The following CNTN4 variants were observed in gnomAD, a reference collection of about 807,000 sequenced individuals.
CNTN4 encodes the protein contactin-4.
Under a neutral mutation model 122.5 loss-of-function variants are expected in CNTN4, and 77 were observed. The observed-to-expected ratio is 0.63, with a 90% CI of 0.52 to 0.76. CNTN4 has a LOEUF of 0.76. CNTN4 is among the 30% of genes least tolerant of loss of function. CNTN4 has a pLI of 0.00. For synonymous variants in CNTN4, 512 were observed against 447.0 expected (o/e 1.15, Z -1.83); for missense variants, 1,256 against 1,259.1 (o/e 1.00, Z 0.04).
chr3:2,732,755 C>T (rs1046737486), intron 4 of CNTN4, among the ~76,000 whole-genome samples: 20 of 152,144 alleles, frequency 1.3e-4, no homozygotes, highest in African/African-American at 3.9e-4. Context: ...AACCCTGGTC[C>T]GAAGGTTTAA....
intron 4 of CNTN4, among the ~76,000 whole-genome samples, chr3:2,677,533 AAG>A (rs915786530): frequency 7.1e-6 from 1 of 141,294 alleles, no homozygotes; most frequent in African/African-American, 2.7e-5. Flanking sequence ...TGTAGAGAGA[AAG>A]AGCACACACT....
chr3:2,629,668 A>G (rs999366201), intron 4 of CNTN4: 12 of 364,750 alleles, frequency 3.3e-5, no homozygotes, highest in Non-Finnish European at 5.4e-5. Context: ...CCTGTAGGCC[A>G]CTAATATTCC....
At chr3:2,592,149 G>C (rs1269263163) in intron 4 of CNTN4, among the ~76,000 whole-genome samples, 1 of 152,056 alleles carries the variant, frequency 6.6e-6, no homozygotes, top group Non-Finnish European at 1.5e-5. Context: ...TGAAAGTGTT[G>C]GACTTAGAGG....
At chr3:2,300,711 A>G (rs968779017) in intron 2 of CNTN4, among the ~76,000 whole-genome samples, 1 of 151,390 alleles carries the variant, frequency 6.6e-6, no homozygotes, top group African/African-American at 2.4e-5. Flanking sequence ...AGCTGGGATC[A>G]CAGGCGCGCG....
intron 2 of CNTN4, among the ~76,000 whole-genome samples, chr3:2,300,612 T>G (rs964497796): frequency 2.2e-5 from 3 of 134,408 alleles, no homozygotes; most frequent in Non-Finnish European, 4.7e-5. Context: ...TTGCTCTGTC[T>G]CCAGGCTGGA....
chr3:2,637,353 A>C (rs549911511), intron 4 of CNTN4, among the ~76,000 whole-genome samples: 50 of 152,316 alleles, frequency 3.3e-4, no homozygotes, highest in African/African-American at 1.2e-3. Context: ...TTACAAGTTT[A>C]AAAGCAAAAT....
At chr3:2,536,217 C>A (rs1330971470) in intron 3 of CNTN4, among the ~76,000 whole-genome samples, 3 of 152,126 alleles carry the variant, frequency 2.0e-5, no homozygotes, top group Non-Finnish European at 4.4e-5. Context: ...CTTTTAAAAA[C>A]CATCTAGATC....
At chr3:2,197,673 G>T (rs776116224) in intron 2 of CNTN4, among the ~76,000 whole-genome samples, 1 of 151,998 alleles carries the variant, frequency 6.6e-6, no homozygotes, top group Non-Finnish European at 1.5e-5. Context: ...AAAAATACCA[G>T]TCTTGTGAAA....
At chr3:2,782,393 A>G (rs1260493194) in intron 6 of CNTN4, among the ~76,000 whole-genome samples, 1 of 151,722 alleles carries the variant, frequency 6.6e-6, no homozygotes, top group Admixed American at 6.6e-5. Context: ...TCTTTTCACT[A>G]AAGAGCTTCC....
chr3:2,193,301 C>A (rs1559330533), intron 2 of CNTN4, among the ~76,000 whole-genome samples: 1 of 151,644 alleles, frequency 6.6e-6, no homozygotes, highest in Non-Finnish European at 1.5e-5. Flanking sequence ...GTCCTAAAGC[C>A]TCATTACTCT....
intron 3 of CNTN4, among the ~76,000 whole-genome samples, chr3:2,419,674 A>G (rs904632139): frequency 6.6e-6 from 1 of 152,224 alleles, no homozygotes; most frequent in Non-Finnish European, 1.5e-5. Flanking sequence ...TAACAAACAT[A>G]ACATAGTGTC....
chr3:2,322,013 A>T (rs533985482), intron 2 of CNTN4, among the ~76,000 whole-genome samples: 2 of 152,186 alleles, frequency 1.3e-5, no homozygotes, highest in East Asian at 1.9e-4. Flanking sequence ...TATTTATTTT[A>T]TGTGCTTTGG....
chr3:2,265,261 G>A (rs1346019044), intron 2 of CNTN4, among the ~76,000 whole-genome samples: 1 of 152,032 alleles, frequency 6.6e-6, no homozygotes, highest in Non-Finnish European at 1.5e-5. Context: ...CTTATTGATT[G>A]ATAAGCATTT....
intron 4 of CNTN4, among the ~76,000 whole-genome samples, chr3:2,659,486 G>A (rs201721195): frequency 2.1e-4 from 26 of 123,888 alleles, no homozygotes; most frequent in Admixed American, 8.1e-4. Flanking sequence ...AAAAAAAGAA[G>A]AAGAAGAAGA....
chr3:2,976,756 C>T (rs780142502), intron 13 of CNTN4, among the ~76,000 whole-genome samples: 1 of 152,064 alleles, frequency 6.6e-6, no homozygotes, highest in South Asian at 2.1e-4. Flanking sequence ...AGAATTTCCA[C>T]GTATCTTTTG....
At chr3:2,845,933 G>A (rs1577034920) in intron 7 of CNTN4, among the ~76,000 whole-genome samples, 1 of 152,158 alleles carries the variant, frequency 6.6e-6, no homozygotes, top group South Asian at 2.1e-4. Context: ...AGCTAATCAG[G>A]TATTTTAATT....
chr3:2,560,563 A>G (rs1559236118), intron 3 of CNTN4, among the ~76,000 whole-genome samples: 2 of 152,200 alleles, frequency 1.3e-5, no homozygotes, highest in Non-Finnish European at 2.9e-5. Context: ...ATACTTCTCT[A>G]CAAACTTCTG....
At chr3:2,521,519 G>C (rs963155132) in intron 3 of CNTN4, among the ~76,000 whole-genome samples, 2 of 152,032 alleles carry the variant, frequency 1.3e-5, no homozygotes, top group African/African-American at 4.8e-5. Context: ...AATATGTGAG[G>C]AAGGAAGCAT....
intron 12 of CNTN4, among the ~76,000 whole-genome samples, chr3:2,924,141 T>G (rs1011971799): frequency 6.6e-6 from 1 of 152,138 alleles, no homozygotes; most frequent in Non-Finnish European, 1.5e-5. Context: ...TGCATGGCCC[T>G]ATTAAAAAGT....
Sources: gnomAD v4.1 joint callset for allele counts (sites outside exome capture counted in the v4.1 genomes callset) on GRCh38, gnomAD v4.1.1 for gene constraint, MANE v1.5 for transcripts, NCBI Gene and HGNC (gene_info 2026-07-23, HGNC 2026-07-21) for gene names.